The following LRP1B variants were observed in gnomAD, a reference collection of about 807,000 sequenced individuals.
LRP1B encodes low-density lipoprotein receptor-related protein 1B.
In LRP1B, 217 loss-of-function variants were observed where a neutral mutation model predicts 556.6. The ratio of observed to expected loss-of-function variants is 0.39; its 90% CI spans 0.35 to 0.44. LRP1B has a LOEUF of 0.44. LRP1B is among the 20% of genes least tolerant of loss of function. The pLI is 1.00. For missense variants in LRP1B, 5,053 were observed against 5,620.8 expected, an observed-to-expected ratio of 0.90 and a Z score of 3.23; for synonymous variants, 2,047 against 1,865.8, an observed-to-expected ratio of 1.10 and a Z score of -2.50.
intron 43 of LRP1B, among the ~76,000 whole-genome samples, chr2:140,584,293 C>A (rs907920056): frequency 2.0e-5 from 3 of 151,822 alleles, no homozygotes; most frequent in African/African-American, 7.3e-5. Flanking sequence ...TTTATCTGCT[C>A]AATTATTTCA....
intron 43 of LRP1B, among the ~76,000 whole-genome samples, chr2:140,590,013 G>C (rs1682152052): frequency 6.6e-6 from 1 of 152,028 alleles, no homozygotes; most frequent in African/African-American, 2.4e-5. Context: ...ACTGGGTAAA[G>C]AGTACACTTG....
intron 35 of LRP1B, among the ~76,000 whole-genome samples, chr2:140,717,921 C>G (rs567555603): frequency 6.6e-6 from 1 of 152,140 alleles, no homozygotes; most frequent in South Asian, 2.1e-4. Context: ...TTGTTTGCAG[C>G]AGAGCAGAGA....
chr2:140,284,937 T>G (rs1333792732), intron 84 of LRP1B, among the ~76,000 whole-genome samples: 2 of 138,168 alleles, frequency 1.4e-5, no homozygotes, highest in Non-Finnish European at 3.1e-5. Flanking sequence ...TAGATATCTA[T>G]ATATAACTCT....
chr2:140,779,755 A>AGTGTGTGT lies in LRP1B; in HGVS notation c.5360-3525_5360-3518dup, dbSNP rs70988440. ...TGGTGTGTCTGTCTCTCTGTGAGAG[A>AGTGTGTGT]GTGTGTGTGTGTGTGTGTGTGTGTG... On this transcript the variant is annotated intron_variant, in intron 32 of 90. Coordinates refer to ENST00000389484, the MANE Select transcript of LRP1B (RefSeq NM_018557.3). Among the ~76,000 whole-genome samples, 25 of 135,368 alleles carry AGTGTGTGT rather than the reference A, an allele frequency of 1.8e-4. 1 individual carries two copies. The South Asian group carries it at 4.7e-3, about 25-fold the overall frequency. 88.8% of individuals were successfully genotyped at this position (135,368 alleles called of 152,430 possible).
Position 140,785,652 on chromosome 2 carries a change from G to A in LRP1B, c.5360-9414C>T, listed in dbSNP as rs73961500. Among the ~76,000 whole-genome samples the A allele has an allele frequency of 6.6e-3, 1,000 of 152,070 alleles. 11 individuals are homozygous for A. The highest frequency in any genetic ancestry group is 0.023 in the African/African-American group (950 of 41,508). ...GACTTCGCTAACTACCCCCTATACC[G>A]CCCCAACAGCTCCCAAATCTCAATG... On this transcript the variant is annotated intron_variant, in intron 32 of 90. Transcript: ENST00000389484.
intron 83 of LRP1B, among the ~76,000 whole-genome samples, chr2:140,311,566 AATGTACACT>A (rs1018826919): frequency 6.6e-5 from 10 of 151,776 alleles, no homozygotes; most frequent in African/African-American, 2.4e-4. Flanking sequence ...TAATGGGTAA[AATGTACACT>A]ATTCAGCTAA....
intron 2 of LRP1B, among the ~76,000 whole-genome samples, chr2:141,803,686 T>C (rs1177955458): frequency 1.3e-5 from 2 of 152,128 alleles, no homozygotes; most frequent in African/African-American, 4.8e-5. Flanking sequence ...CTATCTGTTT[T>C]ATAGTTTCTA....
At chr2:140,748,336 C>CATATATAATATATATTATATTA (rs1465017311) in intron 35 of LRP1B, among the ~76,000 whole-genome samples, 1 of 107,432 alleles carries the variant, frequency 9.3e-6, no homozygotes, top group African/African-American at 3.8e-5. Flanking sequence ...ATATTATATT[C>CATATATAATATATATTATATTA]ATATATTATA....
intron 7 of LRP1B, among the ~76,000 whole-genome samples, chr2:141,103,382 G>A (rs1194493798): frequency 5.9e-5 from 9 of 152,010 alleles, no homozygotes; most frequent in African/African-American, 2.2e-4. Context: ...TCACTGCTTG[G>A]CTGCTCACTC....
At chr2:141,578,950 G>A (rs1303053787) in intron 2 of LRP1B, among the ~76,000 whole-genome samples, 2 of 152,278 alleles carry the variant, frequency 1.3e-5, no homozygotes, top group Middle Eastern at 3.4e-3. Context: ...TGAGTTTCCA[G>A]AAAACTCAGA....
intron 7 of LRP1B, among the ~76,000 whole-genome samples, chr2:141,170,360 A>C (rs1288244728): frequency 1.3e-5 from 2 of 152,046 alleles, no homozygotes; most frequent in Non-Finnish European, 2.9e-5. Flanking sequence ...CTCTGTGGAG[A>C]AAGCATGGTT....
intron 41 of LRP1B, among the ~76,000 whole-genome samples, chr2:140,693,980 T>C (rs970539679): frequency 1.3e-5 from 2 of 152,206 alleles, no homozygotes; most frequent in Non-Finnish European, 2.9e-5. Context: ...AGTGCCGGGA[T>C]TACAGGCATG....
At chr2:140,270,091 G>A in intron 86 of LRP1B, 151 bp downstream of exon 86, 1 of 593,016 alleles carries the variant, frequency 1.7e-6, no homozygotes, top group South Asian at 2.2e-5. Context: ...AGATTCTGCA[G>A]CACATGAGCT....
intron 1 of LRP1B, among the ~76,000 whole-genome samples, chr2:142,112,057 C>G (rs1048378352): frequency 2.0e-5 from 3 of 151,976 alleles, no homozygotes; most frequent in Admixed American, 6.6e-5. Flanking sequence ...ATCAAGGTGC[C>G]TTTCCATCTA....
chr2:140,491,757 T>TA, intron 57 of LRP1B, among the ~76,000 whole-genome samples: 1 of 152,152 alleles, frequency 6.6e-6, no homozygotes, highest in Non-Finnish European at 1.5e-5. Flanking sequence ...GTTAGTTTTT[T>TA]ATAAACAACA....
chr2:141,428,268 T>C (rs762616318), intron 3 of LRP1B, among the ~76,000 whole-genome samples: 3 of 152,234 alleles, frequency 2.0e-5, no homozygotes, highest in Admixed American at 6.5e-5. Context: ...GTATGACTGA[T>C]GCATTTGCAG....
chr2:141,034,469 G>T (rs1698469971), intron 11 of LRP1B, among the ~76,000 whole-genome samples: 1 of 151,754 alleles, frequency 6.6e-6, no homozygotes, highest in East Asian at 1.9e-4. Context: ...ATCTGACAAA[G>T]GGCTAATACC....
rs959193864 is a variant in LRP1B at position 141,524,174 on chromosome 2, C to T, written c.206-43641G>A. On this transcript the variant is annotated intron_variant, in intron 2 of 90. Transcript: ENST00000389484. ...GTATAATGTCTGTGTTTTTTATATT[C>T]CCTGAAACTAGCTCAAAGCCTGTGC... is the stretch of plus-strand genomic sequence containing the variant. 5.3e-5 allele frequency among the ~76,000 whole-genome samples: 8 copies of T among 151,900 alleles called. No individual in the cohort carries two copies. The South Asian group carries it at 1.0e-3, about 20-fold the overall frequency.
chr2:141,997,557 A>T (rs1165613704), intron 1 of LRP1B, among the ~76,000 whole-genome samples: 1 of 149,692 alleles, frequency 6.7e-6, no homozygotes, highest in East Asian at 2.0e-4. Context: ...ATCTTGGTTC[A>T]CTGCAGCCTC....
Sources: gnomAD v4.1 joint callset for allele counts (sites outside exome capture counted in the v4.1 genomes callset) on GRCh38, gnomAD v4.1.1 for gene constraint, MANE v1.5 for transcripts, NCBI Gene and HGNC (gene_info 2026-07-23, HGNC 2026-07-21) for gene names.